Variants in ZBED6 observed in about 807,000 individuals in gnomAD.
The protein encoded by ZBED6 is zinc finger BED domain-containing protein 6.
ZBED6 carries 40 observed loss-of-function variants against 58.4 expected under a neutral mutation model. That is an observed-to-expected ratio of 0.68 (90% confidence interval 0.53 to 0.89). ZBED6 has a LOEUF of 0.89. Among genes scored for constraint, ZBED6 ranks in the 40% least tolerant of loss-of-function variants. The pLI, the probability that ZBED6 is intolerant of heterozygous loss-of-function variation, is 0.00. For synonymous variants in ZBED6, 439 were observed against 350.6 expected (o/e 1.25, Z -2.82); for missense variants, 1,057 against 1,003.9 (o/e 1.05, Z -0.71).
exon 1 of ZBED6, chr1:203,796,316 C>G (rs186640630): frequency 3.0e-5 from 12 of 398,024 alleles, no homozygotes. Context: ...TGGAGCTTGT[C>G]TCAAACTCCA....
intron 8 of ZBED6, among the ~76,000 whole-genome samples, chr1:203,832,022 C>T (rs1418101822): frequency 1.3e-5 from 2 of 152,120 alleles, no homozygotes; most frequent in Non-Finnish European, 2.9e-5. Flanking sequence ...ATTGGCTTCC[C>T]ATGTGACTAA....
intron 1 of ZBED6, among the ~76,000 whole-genome samples, chr1:203,813,687 A>C (rs961492347): frequency 1.3e-5 from 2 of 152,004 alleles, no homozygotes; most frequent in Non-Finnish European, 2.9e-5. Context: ...CAGCAGGGCC[A>C]TTCTCCCTCT....
chr1:203,851,968 CAAAAAAAAA>C (rs57160781), intron 16 of ZBED6, among the ~76,000 whole-genome samples, 164 bp from the exon 17 acceptor site: 1 of 45,844 alleles, frequency 2.2e-5, no homozygotes, highest in Non-Finnish European at 3.5e-5. Context: ...GACTCTGCCT[CAAAAAAAAA>C]AAAAAAAAAA....
At position 203,835,848 on chromosome 1, in the gene ZBED6, C is replaced by A. The variant is rs11803892; in HGVS notation, c.*3573+1995C>A. On this transcript the variant is annotated intron_variant, in intron 9 of 16. Transcript: ENST00000550078. ...AATTTTAAGAAAAGCTATGTGCTCC[C>A]TTTTTTTCCGGAGACCCCACTTATA... 1.2e-3 allele frequency: 297 copies of A among 241,754 alleles called. 2 individuals carry two copies. Among genetic ancestry groups the A allele is most frequent in the African/African-American group, 6.4e-3 (278 of 43,120 alleles). 15.0% of individuals were successfully genotyped at this position (241,754 alleles called of 1,614,324 possible).
At chr1:203,830,095 C>T (rs373144322) in intron 6 of ZBED6, 28 bp from the exon 7 acceptor site, 2 of 1,547,562 alleles carry the variant, frequency 1.3e-6, no homozygotes, top group African/African-American at 2.8e-5. Flanking sequence ...GCTCCCGTTC[C>T]TCATAAAATT....
intron 4 of ZBED6, among the ~76,000 whole-genome samples, chr1:203,828,729 C>G (rs1226446848): frequency 1.3e-5 from 2 of 152,156 alleles, no homozygotes; most frequent in African/African-American, 4.8e-5. Context: ...AACTGGTCCT[C>G]TGCCTGTTTT....
chr1:203,831,298 G>A (rs12069734), intron 7 of ZBED6, among the ~76,000 whole-genome samples: 16,962 of 152,026 alleles, frequency 0.11, 1,182 homozygotes, highest in Non-Finnish European at 0.15. Context: ...CCTTGGAGTT[G>A]TGTTTTCAGA....
chr1:203,811,890 A>C (rs1674611331), intron 1 of ZBED6, among the ~76,000 whole-genome samples: 1 of 149,314 alleles, frequency 6.7e-6, no homozygotes, highest in Non-Finnish European at 1.5e-5. Flanking sequence ...ATCTTGGTTC[A>C]CTGCAACCTC....
At chr1:203,815,360 A>T (rs78275576) in intron 1 of ZBED6, among the ~76,000 whole-genome samples, 26,610 of 134,558 alleles carry the variant, frequency 0.2, 2,965 homozygotes, top group East Asian at 0.46. Context: ...GGATCACAGG[A>T]GTGTGCCACC....
At chr1:203,849,958 C>A (rs750473474) in exon 14 of ZBED6, 1 of 1,613,914 alleles carries the variant, frequency 6.2e-7, no homozygotes, top group African/African-American at 1.3e-5. Context: ...GAGGTAGAAA[C>A]CTCAGGGATT....
chr1:203,838,954 C>CAAAAAAAAA (rs59033094), intron 10 of ZBED6, among the ~76,000 whole-genome samples: 1 of 97,942 alleles, frequency 1.0e-5, no homozygotes, highest in African/African-American at 4.3e-5. Flanking sequence ...GACTTCATCT[C>CAAAAAAAAA]AAAAAAAAAA....
Position 203,850,554 on chromosome 1 carries a change from T to C in ZBED6, c.*4678T>C, listed in dbSNP as rs1195194542. The C allele has an allele frequency of 2.5e-6, 4 of 1,614,014 alleles. No individual in the cohort carries two copies. In the African/African-American group the frequency reaches 4.0e-5, roughly 16 times the overall value. On this transcript the variant is annotated 3_prime_UTR_variant, in exon 15 of 17. Transcript: ENST00000550078. ...AACGTGAAGCCATCTGTGGTTAAAGTTGTGTCATCCCCCAAATTGGCCCCA... is the reference window on the plus strand; with the variant it reads ...AACGTGAAGCCATCTGTGGTTAAAGCTGTGTCATCCCCCAAATTGGCCCCA...
At chr1:203,852,165 C>T (rs142870888) in exon 17 of ZBED6, 1 of 1,613,572 alleles carries the variant, frequency 6.2e-7, no homozygotes, top group Non-Finnish European at 8.5e-7. Context: ...CAACCCAGTC[C>T]TCTTCAGATT....
chr1:203,825,416 T>C (rs932302212), intron 3 of ZBED6, among the ~76,000 whole-genome samples: 1 of 149,488 alleles, frequency 6.7e-6, no homozygotes, highest in Non-Finnish European at 1.5e-5. Context: ...AGGAGAAATA[T>C]TACTGTGGAG....
At chr1:203,843,764 G>A (rs1417405610) in intron 11 of ZBED6, among the ~76,000 whole-genome samples, 1 of 152,082 alleles carries the variant, frequency 6.6e-6, no homozygotes, top group Admixed American at 6.6e-5. Flanking sequence ...TTATTATCCA[G>A]TCCTTCATAT....
intron 1 of ZBED6, among the ~76,000 whole-genome samples, chr1:203,806,851 A>G (rs371834021): frequency 2.0e-5 from 1 of 49,722 alleles, no homozygotes; most frequent in Non-Finnish European, 4.3e-5. Context: ...TTTTTTTGCT[A>G]TTTTACTTGA....
At chr1:203,834,881 T>C (rs1683749664) in intron 9 of ZBED6, among the ~76,000 whole-genome samples, 2 of 152,190 alleles carry the variant, frequency 1.3e-5, no homozygotes, top group African/African-American at 4.8e-5. Flanking sequence ...TGCCCTCAGG[T>C]GATCCACCCG....
chr1:203,831,056 T>C (rs1012433966), intron 7 of ZBED6, among the ~76,000 whole-genome samples: 3 of 147,532 alleles, frequency 2.0e-5, no homozygotes, highest in Non-Finnish European at 4.5e-5. Context: ...GCTATTCTGC[T>C]GCCTCAGCCT....
chr1:203,813,876 T>C (rs1021224047), intron 1 of ZBED6, among the ~76,000 whole-genome samples: 3 of 152,118 alleles, frequency 2.0e-5, no homozygotes, highest in African/African-American at 7.2e-5. Context: ...TGGCAACATT[T>C]TTTGCTAAGA....
Sources: allele counts gnomAD v4.1 joint callset (sites outside exome capture counted in the v4.1 genomes callset), GRCh38; gene constraint gnomAD v4.1.1; transcripts MANE v1.5; gene names NCBI Gene and HGNC (gene_info 2026-07-23, HGNC 2026-07-21).